The following HYDIN variants were observed in gnomAD, a reference collection of about 807,000 sequenced individuals.
HYDIN encodes axonemal central pair apparatus protein HYDIN.
A neutral mutation model predicts 403.9 loss-of-function variants in HYDIN; 132 were observed. The observed-to-expected ratio is 0.33, with a 90% confidence interval of 0.28 to 0.38. HYDIN has a LOEUF of 0.38. HYDIN is among the 10% of genes least tolerant of loss of function. HYDIN has a pLI of 1.00. For missense variants in HYDIN, 2,827 were observed against 5,009.5 expected, an observed-to-expected ratio of 0.56 and a Z score of 13.15; for synonymous variants, 1,202 against 1,891.7, an observed-to-expected ratio of 0.64 and a Z score of 9.46.
intron 45 of HYDIN, among the ~76,000 whole-genome samples, chr16:70,932,396 C>T (rs1221565205): frequency 6.6e-6 from 1 of 151,998 alleles, no homozygotes; most frequent in African/African-American, 2.4e-5. Context: ...CATACCCACA[C>T]ATAAAACAAA....
At chr16:71,220,069 C>T (rs1019240960) in intron 1 of HYDIN, among the ~76,000 whole-genome samples, 2 of 152,136 alleles carry the variant, frequency 1.3e-5, no homozygotes, top group Non-Finnish European at 2.9e-5. Context: ...GCTATGAACA[C>T]TATCCCCCAG....
chr16:71,224,647 C>T (rs1374013322), intron 1 of HYDIN, among the ~76,000 whole-genome samples: 257 of 147,732 alleles, frequency 1.7e-3, no homozygotes, highest in Middle Eastern at 3.5e-3. Flanking sequence ...CTGCAAGCTC[C>T]GCCTCCCGGG....
intron 18 of HYDIN, among the ~76,000 whole-genome samples, chr16:71,032,205 T>C (rs1188373832): frequency 6.6e-6 from 1 of 152,142 alleles, no homozygotes; most frequent in African/African-American, 2.4e-5. Flanking sequence ...TTATAATTAT[T>C]ATCTACTATA....
At chr16:70,939,611 A>T (rs1208933876) in intron 43 of HYDIN, among the ~76,000 whole-genome samples, 5 of 152,130 alleles carry the variant, frequency 3.3e-5, no homozygotes, top group African/African-American at 1.2e-4. Flanking sequence ...ATGAGGGAGG[A>T]GTTATCATTC....
intron 1 of HYDIN, among the ~76,000 whole-genome samples, chr16:71,201,695 G>C (rs1384280040): frequency 6.6e-6 from 1 of 152,208 alleles, no homozygotes; most frequent in African/African-American, 2.4e-5. Flanking sequence ...GGAGGGGAGA[G>C]GCTGTCTGAG....
At chr16:71,182,095 T>C (rs1232952695) in intron 3 of HYDIN, among the ~76,000 whole-genome samples, 1 of 152,026 alleles carries the variant, frequency 6.6e-6, no homozygotes, top group Non-Finnish European at 1.5e-5. Flanking sequence ...GAAATTACCT[T>C]TGAGTGTCTG....
Position 70,901,426 on chromosome 16 carries a change from C to T in HYDIN, c.8850-224G>A, listed in dbSNP as rs1267573251. Among the ~76,000 whole-genome samples the T allele has an allele frequency of 9.9e-5, 15 of 151,312 alleles. No homozygotes were observed. The East Asian group carries it at 1.9e-3, about 20-fold the overall frequency. ...CCTCTCCCTCCTCCCACCCTCCACC[C>T]GCAAGCATCCTCAAGTGTCTGTTGC... On this transcript the variant is annotated intron_variant, in intron 52 of 85. Coordinates refer to ENST00000393567, the MANE Select transcript of HYDIN (RefSeq NM_001270974.2).
intron 39 of HYDIN, among the ~76,000 whole-genome samples, chr16:70,956,367 C>T (rs1230629715): frequency 6.6e-6 from 1 of 151,804 alleles, no homozygotes; most frequent in Non-Finnish European, 1.5e-5. Context: ...TCGCTAAGTA[C>T]ACATGTAACT....
At chr16:71,229,885 C>T (rs958509017) in intron 1 of HYDIN, among the ~76,000 whole-genome samples, 8 of 152,070 alleles carry the variant, frequency 5.3e-5, no homozygotes, top group Admixed American at 1.3e-4. Flanking sequence ...TCCCATAATC[C>T]CCACGTGTCA....
At chr16:71,051,662 A>AAC (rs1296827629) in intron 18 of HYDIN, among the ~76,000 whole-genome samples, 154 of 112,152 alleles carry the variant, frequency 1.4e-3, no homozygotes, top group African/African-American at 4.6e-3. Flanking sequence ...AAAAAAAACA[A>AAC]AAAAAACAAA....
At chr16:71,229,105 A>G (rs1017958999) in intron 1 of HYDIN, among the ~76,000 whole-genome samples, 50 of 140,340 alleles carry the variant, frequency 3.6e-4, no homozygotes, top group African/African-American at 1.3e-3. Context: ...GCAACGAACA[A>G]TGAGAACACT....
At position 71,186,931 on chromosome 16, in the gene HYDIN, CA is replaced by C; in HGVS notation, c.-23-14del. ...TTTTTTTTCTCACCTAAGAGTGAAA[CA>C]AAAATGTCTTAGAACAAATACAGTT... On this transcript the variant is annotated splice_polypyrimidine_tract_variant and intron_variant, in intron 1 of 85. Coordinates refer to ENST00000393567, the MANE Select transcript of HYDIN (RefSeq NM_001270974.2). 1 of 1,566,172 alleles carries C rather than the reference CA, an allele frequency of 6.4e-7. No individual in the cohort carries two copies. Among genetic ancestry groups the C allele is most frequent in the Non-Finnish European group, 8.7e-7 (1 of 1,148,806 alleles).
intron 5 of HYDIN, among the ~76,000 whole-genome samples, chr16:71,173,556 T>C (rs965764718): frequency 2.6e-5 from 4 of 152,218 alleles, no homozygotes; most frequent in Non-Finnish European, 5.9e-5. Context: ...ATTTAAAACA[T>C]GCACAAAGAA....
intron 23 of HYDIN, among the ~76,000 whole-genome samples, chr16:71,009,149 TCCTC>T (rs1468257055): frequency 6.7e-6 from 1 of 150,168 alleles, no homozygotes; most frequent in Non-Finnish European, 1.5e-5. Context: ...GGACTCTACT[TCCTC>T]CCACTAGACT....
At chr16:70,944,465 C>T (rs936584343) in intron 41 of HYDIN, among the ~76,000 whole-genome samples, 3 of 152,064 alleles carry the variant, frequency 2.0e-5, no homozygotes, top group South Asian at 2.1e-4. Flanking sequence ...ACCCGGGTTA[C>T]GTCAAAGAAT....
In HYDIN at chr16:70,804,798, C is replaced by T. The variant is rs184668550; in HGVS notation, c.*2782G>A. On this transcript the variant is annotated 3_prime_UTR_variant, in exon 86 of 86. Transcript: ENST00000393567. ...TGCTGAGTGTGCTGCAACCTGGGTT[C>T]GTTTTTGTTTCTCCCCCTCCCTTCT... 1.3e-4 allele frequency among the ~76,000 whole-genome samples: 20 copies of T among 152,242 alleles called. No homozygotes were observed. The highest frequency in any genetic ancestry group is 2.4e-4 in the Non-Finnish European group (16 of 68,012).
At chr16:71,205,709 G>A (rs1325888674) in intron 1 of HYDIN, among the ~76,000 whole-genome samples, 1 of 152,230 alleles carries the variant, frequency 6.6e-6, no homozygotes. Context: ...TTGATAGCCA[G>A]CTATGCAACA....
chr16:70,879,133 A>C (rs2040623186), intron 62 of HYDIN, among the ~76,000 whole-genome samples, 164 bp downstream of exon 62: 1 of 150,704 alleles, frequency 6.6e-6, no homozygotes, highest in Admixed American at 6.6e-5. Flanking sequence ...TTGAGGACAA[A>C]TGTCATGCCA....
chr16:71,196,472 C>T (rs1158174080), intron 1 of HYDIN, among the ~76,000 whole-genome samples: 1 of 152,190 alleles, frequency 6.6e-6, no homozygotes, highest in African/African-American at 2.4e-5. Flanking sequence ...CAGATGCAAA[C>T]TGGAATCTAC....
Sources: allele counts gnomAD v4.1 joint callset (sites outside exome capture counted in the v4.1 genomes callset), GRCh38; gene constraint gnomAD v4.1.1; transcripts MANE v1.5; gene names NCBI Gene and HGNC (gene_info 2026-07-23, HGNC 2026-07-21).